PPEF2: variants seen among roughly 807,000 people sequenced by gnomAD.
The protein encoded by PPEF2 is serine/threonine-protein phosphatase with EF-hands 2.
In PPEF2, 84 loss-of-function variants were observed where a neutral mutation model predicts 84.7. The ratio of observed to expected loss-of-function variants is 0.99; its 90% CI spans 0.83 to 1.19. PPEF2 has a LOEUF of 1.19. Ranked by LOEUF, PPEF2 falls within the 50% of genes most tolerant of loss-of-function variation. The pLI, the probability that PPEF2 is intolerant of heterozygous loss-of-function variation, is 0.00. For synonymous variants in PPEF2, 346 were observed against 345.2 expected (o/e 1.00, Z -0.03); for missense variants, 924 against 937.5 (o/e 0.99, Z 0.19).
chr4:75,882,101 A>G (rs1406728378), intron 10 of PPEF2: 1 of 152,196 alleles, frequency 6.6e-6, no homozygotes, highest in Admixed American at 6.5e-5. Context: ...TTGGTAAATC[A>G]TACATTCTGT....
chr4:75,869,674 T>A (rs7674933), intron 13 of PPEF2, among the ~76,000 whole-genome samples: 149,385 of 152,148 alleles, frequency 0.98, 73,390 homozygotes, highest in East Asian at 1. Context: ...TAGTGAGACT[T>A]CGTCTCTACA....
At chr4:75,877,387 A>AAG (rs1724456020) in intron 10 of PPEF2, among the ~76,000 whole-genome samples, 2 of 6,632 alleles carry the variant, frequency 3.0e-4, no homozygotes, top group East Asian at 0.25. Context: ...AGAGAGAAAG[A>AAG]AAGAAGAGGA....
chr4:75,895,193 C>T (rs1018548757), intron 2 of PPEF2, among the ~76,000 whole-genome samples: 5 of 148,154 alleles, frequency 3.4e-5, no homozygotes, highest in African/African-American at 1.0e-4. Context: ...TTTGGGAGGC[C>T]GAGGCGGGCA....
At chr4:75,867,282 C>T (rs1290542852) in intron 14 of PPEF2, 31 bp downstream of exon 14, 4 of 1,548,128 alleles carry the variant, frequency 2.6e-6, no homozygotes, top group African/African-American at 1.4e-5. Context: ...AGCTTCCTTC[C>T]TCTGTGAATC....
chr4:75,863,626 T>C (rs891215622), intron 16 of PPEF2, among the ~76,000 whole-genome samples: 1 of 152,122 alleles, frequency 6.6e-6, no homozygotes, highest in East Asian at 1.9e-4. Flanking sequence ...GAATTATGCC[T>C]TAAAAGAAAC....
chr4:75,874,767 T>C (rs1724366545), intron 11 of PPEF2, among the ~76,000 whole-genome samples: 1 of 152,246 alleles, frequency 6.6e-6, no homozygotes, highest in South Asian at 2.1e-4. Flanking sequence ...GAACATTAAC[T>C]AAACTCACCA....
intron 10 of PPEF2, 33 bp downstream of exon 10, chr4:75,882,893 T>C (rs1009500334): frequency 1.9e-6 from 3 of 1,589,962 alleles, no homozygotes; most frequent in South Asian, 1.1e-5. Flanking sequence ...CTGGGCATTA[T>C]GGTGAAATTT....
intron 16 of PPEF2, among the ~76,000 whole-genome samples, chr4:75,862,459 G>C (rs1724029857): frequency 6.6e-6 from 1 of 151,704 alleles, no homozygotes; most frequent in South Asian, 2.1e-4. Context: ...CAAATAAAAA[G>C]ACAAATAGCC....
At chr4:75,873,356 A>G (rs772187663) in intron 11 of PPEF2, 44 bp from the exon 12 acceptor site, 8 of 1,508,606 alleles carry the variant, frequency 5.3e-6, no homozygotes, top group Non-Finnish European at 6.3e-6. Flanking sequence ...AACTAGATAC[A>G]TATTCATCCA....
In PPEF2 at chr4:75,891,991, T is replaced by A; in HGVS notation, c.56-13A>T. 1 of 1,609,632 alleles carries A rather than the reference T, an allele frequency of 6.2e-7. No individual in the cohort carries two copies. The highest frequency in any genetic ancestry group is 1.3e-5 in the African/African-American group (1 of 74,938). ...GCTGCCTTGAAGGCTATGACACCGA[T>A]GGAGAAGCAAGCCTGTGAGCTCGGA... On this transcript the variant is annotated splice_polypyrimidine_tract_variant and intron_variant, in intron 2 of 16. Coordinates refer to ENST00000286719, the MANE Select transcript of PPEF2 (RefSeq NM_006239.3).
chr4:75,898,023 A>G (rs1335388451), intron 1 of PPEF2, among the ~76,000 whole-genome samples: 2 of 152,268 alleles, frequency 1.3e-5, no homozygotes, highest in African/African-American at 4.8e-5. Context: ...TCGATTAACT[A>G]AAAGTATCCC....
At chr4:75,892,494 C>T (rs1207823681) in intron 2 of PPEF2, among the ~76,000 whole-genome samples, 1 of 152,018 alleles carries the variant, frequency 6.6e-6, no homozygotes, top group African/African-American at 2.4e-5. Context: ...GGAAAAGGGG[C>T]GGGGCCAGAT....
At chr4:75,863,604 T>TA (rs1724058772) in intron 16 of PPEF2, among the ~76,000 whole-genome samples, 1 of 152,094 alleles carries the variant, frequency 6.6e-6, no homozygotes, top group Non-Finnish European at 1.5e-5. Context: ...ACAGGTGAAT[T>TA]ATATGGTTTG....
intron 6 of PPEF2, among the ~76,000 whole-genome samples, chr4:75,887,381 G>A (rs1724754552): frequency 6.6e-6 from 1 of 152,172 alleles, no homozygotes; most frequent in Non-Finnish European, 1.5e-5. Flanking sequence ...CAGCACTTTG[G>A]GAGGCTGAGA....
Position 75,891,913 on chromosome 4 carries a change from G to A in PPEF2, c.121C>T (p.Arg41Trp), listed in dbSNP as rs1040832200. ...TGGAAGATGCTCCAGGTGCAACGCCGCCTCATCTCCAGGCGGGCCACGTAG... is the reference window on the plus strand; with the variant it reads ...TGGAAGATGCTCCAGGTGCAACGCCACCTCATCTCCAGGCGGGCCACGTAG... ...RRYVARLEMR[R>W]RCTWSIFQSI... Residue 41 changes from arginine to tryptophan, a missense_variant, in exon 3 of 17, where the codon CGG becomes TGG. Transcript: ENST00000286719. The A allele has an allele frequency of 6.2e-6, 10 of 1,614,110 alleles. No homozygotes were observed. Among genetic ancestry groups the A allele is most frequent in the South Asian group, 2.2e-5 (2 of 91,070 alleles).
intron 5 of PPEF2, 87 bp from the exon 6 acceptor site, chr4:75,888,415 C>T: frequency 1.0e-6 from 1 of 978,238 alleles, no homozygotes; most frequent in Non-Finnish European, 1.6e-6. Context: ...TTAACAACCC[C>T]CATCACCTAA....
intron 16 of PPEF2, among the ~76,000 whole-genome samples, chr4:75,863,387 C>T (rs1295288217): frequency 6.6e-6 from 1 of 150,438 alleles, no homozygotes; most frequent in African/African-American, 2.4e-5. Flanking sequence ...GTAGTCCTAG[C>T]TACTCAGGAG....
At chr4:75,875,011 C>T (rs528121189) in intron 11 of PPEF2, among the ~76,000 whole-genome samples, 52 of 151,680 alleles carry the variant, frequency 3.4e-4, no homozygotes, top group African/African-American at 1.2e-3. Context: ...GTGACATTCT[C>T]CTGCCTCAGC....
chr4:75,886,932 T>C (rs779201055), intron 6 of PPEF2, 34 bp from the exon 7 acceptor site: 1 of 1,243,322 alleles, frequency 8.0e-7, no homozygotes, highest in South Asian at 1.4e-5. Flanking sequence ...TCAATTCTGA[T>C]TGTTCCTTAC....
Sources: allele counts gnomAD v4.1 joint callset (sites outside exome capture counted in the v4.1 genomes callset), GRCh38; gene constraint gnomAD v4.1.1; transcripts MANE v1.5; gene names NCBI Gene and HGNC (gene_info 2026-07-23, HGNC 2026-07-21).